Variants in ZBTB7C observed in about 807,000 individuals in gnomAD.
ZBTB7C encodes the protein zinc finger and BTB domain-containing protein 7C.
Under a neutral mutation model 25.7 loss-of-function variants are expected in ZBTB7C, and 8 were observed. The observed-to-expected ratio is 0.31, with a 90% CI of 0.18 to 0.56. The LOEUF (loss-of-function observed/expected upper bound fraction) is 0.56. ZBTB7C is among the 20% of genes least tolerant of loss of function. The probability of loss-of-function intolerance (pLI) is 0.91; values close to 1 mark genes in which losing one functional copy is unlikely to be tolerated. For missense variants in ZBTB7C, 824 were observed against 855.2 expected (o/e 0.96, Z 0.46); for synonymous variants, 394 against 369.0 (o/e 1.07, Z -0.78).
intron 2 of ZBTB7C, among the ~76,000 whole-genome samples, chr18:48,227,019 C>CAAA (rs1187830776): frequency 1.8e-5 from 1 of 56,088 alleles, no homozygotes; most frequent in African/African-American, 5.9e-5. Context: ...GACTCCATCT[C>CAAA]AAAAAAAAAA....
intron 1 of ZBTB7C, among the ~76,000 whole-genome samples, chr18:48,382,607 T>C (rs1307845960): frequency 5.3e-5 from 8 of 152,234 alleles, no homozygotes; most frequent in African/African-American, 1.9e-4. Flanking sequence ...GTCAACTCTG[T>C]ATTATTCAAG....
chr18:48,084,684 C>T (rs6650674), intron 3 of ZBTB7C, among the ~76,000 whole-genome samples: 31,322 of 152,166 alleles, frequency 0.21, 7,601 homozygotes, highest in African/African-American at 0.59. Flanking sequence ...CTTCCTCAAC[C>T]CTCCGGGCCA....
At chr18:48,330,863 T>G (rs188986836) in intron 2 of ZBTB7C, among the ~76,000 whole-genome samples, 1 of 152,046 alleles carries the variant, frequency 6.6e-6, no homozygotes, top group African/African-American at 2.4e-5. Flanking sequence ...TCAGATAGCA[T>G]TGAAATCCAA....
At chr18:48,199,406 C>T (rs1462987141) in intron 2 of ZBTB7C, among the ~76,000 whole-genome samples, 1 of 152,188 alleles carries the variant, frequency 6.6e-6, no homozygotes, top group African/African-American at 2.4e-5. Context: ...ATTTCTCTCC[C>T]TCAAATCTTC....
At chr18:48,339,687 A>G (rs1268974692) in intron 1 of ZBTB7C, among the ~76,000 whole-genome samples, 2 of 151,872 alleles carry the variant, frequency 1.3e-5, no homozygotes, top group African/African-American at 4.8e-5. Flanking sequence ...GAGGAGGGGG[A>G]CATTGGCCTG....
At chr18:48,383,335 G>A (rs182367521) in intron 1 of ZBTB7C, among the ~76,000 whole-genome samples, 4 of 152,052 alleles carry the variant, frequency 2.6e-5, no homozygotes, top group East Asian at 1.9e-4. Flanking sequence ...GCGCGAACTC[G>A]GCTCACTGCA....
chr18:48,370,770 A>C (rs1405416341), intron 1 of ZBTB7C, among the ~76,000 whole-genome samples: 1 of 152,040 alleles, frequency 6.6e-6, no homozygotes. Context: ...TCACCATATA[A>C]ATTTGCACTG....
At chr18:48,323,396 T>C (rs2046143428) in intron 2 of ZBTB7C, among the ~76,000 whole-genome samples, 1 of 152,164 alleles carries the variant, frequency 6.6e-6, no homozygotes, top group Non-Finnish European at 1.5e-5. Context: ...TGTCCCTATT[T>C]TACAGCTGGA....
At chr18:48,204,130 A>C (rs149778671) in intron 2 of ZBTB7C, among the ~76,000 whole-genome samples, 167 of 152,148 alleles carry the variant, frequency 1.1e-3, no homozygotes, top group African/African-American at 3.7e-3. Flanking sequence ...TCCACCTCTG[A>C]TTTATACCTT....
chr18:48,307,016 A>G (rs1439040632), intron 2 of ZBTB7C, among the ~76,000 whole-genome samples: 3 of 151,150 alleles, frequency 2.0e-5, no homozygotes, highest in Non-Finnish European at 4.4e-5. Flanking sequence ...CCACTCTCCC[A>G]CTCCACCCTC....
At chr18:48,139,836 C>G (rs777745632) in intron 3 of ZBTB7C, among the ~76,000 whole-genome samples, 11 of 152,144 alleles carry the variant, frequency 7.2e-5, no homozygotes, top group African/African-American at 1.2e-4. Flanking sequence ...CTGGATGCAC[C>G]AGACTCCAGA....
intron 2 of ZBTB7C, among the ~76,000 whole-genome samples, chr18:48,248,729 G>T (rs1465825737): frequency 1.3e-5 from 2 of 152,068 alleles, no homozygotes; most frequent in Non-Finnish European, 2.9e-5. Flanking sequence ...TTGAATAAAT[G>T]ATTAAATGAA....
At chr18:48,410,631 TC>T (rs1241680590), upstream of ZBTB7C, 1 of 152,514 alleles carries the variant, frequency 6.6e-6, no homozygotes, top group East Asian at 1.9e-4. Flanking sequence ...GGGCAGATGT[TC>T]CCTCCAGCTA....
chr18:48,030,305 T>G (rs2035688807), intron 4 of ZBTB7C, among the ~76,000 whole-genome samples: 1 of 152,124 alleles, frequency 6.6e-6, no homozygotes, highest in Non-Finnish European at 1.5e-5. Flanking sequence ...CACTTTAATC[T>G]CATACCCACT....
intron 2 of ZBTB7C, among the ~76,000 whole-genome samples, chr18:48,317,947 C>A (rs1339260802): frequency 7.3e-6 from 1 of 136,406 alleles, no homozygotes; most frequent in African/African-American, 2.5e-5. Context: ...TTCAGCAGAC[C>A]TTTCCCCTCT....
At chr18:48,077,474 G>A (rs1321460141) in intron 3 of ZBTB7C, among the ~76,000 whole-genome samples, 1 of 152,196 alleles carries the variant, frequency 6.6e-6, no homozygotes, top group Non-Finnish European at 1.5e-5. Flanking sequence ...GAGTGAGGAA[G>A]GGCGTGTGGG....
intron 2 of ZBTB7C, among the ~76,000 whole-genome samples, chr18:48,192,416 A>G (rs907240688): frequency 2.6e-5 from 4 of 152,206 alleles, no homozygotes; most frequent in African/African-American, 9.6e-5. Flanking sequence ...AAAACCCATA[A>G]AATGGTACAA....
chr18:48,145,120 G>T (rs1240952672), intron 3 of ZBTB7C, among the ~76,000 whole-genome samples: 1 of 152,044 alleles, frequency 6.6e-6, no homozygotes, highest in Non-Finnish European at 1.5e-5. Flanking sequence ...AGTTAATAAC[G>T]TGGGAACTTC....
intron 3 of ZBTB7C, among the ~76,000 whole-genome samples, chr18:48,052,565 G>A (rs1372927685): frequency 6.6e-6 from 1 of 152,258 alleles, no homozygotes; most frequent in Non-Finnish European, 1.5e-5. Context: ...CTTTACACCA[G>A]GCAGAAAGGA....
Sources: gnomAD v4.1 joint callset for allele counts (sites outside exome capture counted in the v4.1 genomes callset) on GRCh38, gnomAD v4.1.1 for gene constraint, MANE v1.5 for transcripts, NCBI Gene and HGNC (gene_info 2026-07-23, HGNC 2026-07-21) for gene names.